The following JAKMIP3 variants were observed in gnomAD, a reference collection of about 807,000 sequenced individuals.
The protein encoded by JAKMIP3 is janus kinase and microtubule-interacting protein 3.
Under a neutral mutation model 118.5 loss-of-function variants are expected in JAKMIP3, and 58 were observed. The ratio of observed to expected loss-of-function variants is 0.49; its 90% confidence interval spans 0.40 to 0.61. The LOEUF is 0.61. Ranked by LOEUF, JAKMIP3 falls within the 20% of genes least tolerant of loss-of-function variation. JAKMIP3 has a pLI of 0.00. For missense variants in JAKMIP3, 950 were observed against 1,109.0 expected (o/e 0.86, Z 2.04); for synonymous variants, 486 against 451.2 (o/e 1.08, Z -0.98).
At chr10:132,110,502 G>A (rs1289316069) in intron 2 of JAKMIP3, among the ~76,000 whole-genome samples, 2 of 152,258 alleles carry the variant, frequency 1.3e-5, no homozygotes, top group African/African-American at 2.4e-5. Context: ...TTTCTCTGCT[G>A]CGGTACTGGA....
rs750781803 is a variant in JAKMIP3 at position 132,117,475 on chromosome 10, G to A, written c.534G>A (p.Ala178=). ...VEEALTLVIQ[A]DKIKAAEIRS... is the part of the protein sequence containing the mutation. Reference sequence around the variant, plus strand: ...AGGCGCTGACGCTGGTGATCCAAGCGGACAAGATCAAGGCCGCAGAGATCC... The same window carrying A: ...AGGCGCTGACGCTGGTGATCCAAGCAGACAAGATCAAGGCCGCAGAGATCC... The change falls in exon 3 of 24, where the codon GCG becomes GCA. Residue 178 remains alanine, a synonymous_variant. Coordinates refer to ENST00000684848, the MANE Select transcript of JAKMIP3 (RefSeq NM_001323087.2). This position sits in a 1 kb window ranked among gnomAD's most constrained non-coding sequence, Gnocchi z 8.6. 19 of 1,613,568 alleles carry A rather than the reference G, an allele frequency of 1.2e-5. No individual in the cohort carries two copies. The highest frequency in any genetic ancestry group is 6.7e-5 in the African/African-American group (5 of 74,922).
chr10:132,054,876 C>T (rs1026868542), intron 1 of JAKMIP3, among the ~76,000 whole-genome samples: 1 of 151,996 alleles, frequency 6.6e-6, no homozygotes, highest in African/African-American at 2.4e-5. Context: ...TGCACTCCTA[C>T]ACCGAGGACC....
chr10:132,156,492 C>T (rs1219056844), intron 19 of JAKMIP3, among the ~76,000 whole-genome samples: 1 of 152,170 alleles, frequency 6.6e-6, no homozygotes, highest in Non-Finnish European at 1.5e-5. Context: ...AGACAGAGGA[C>T]CCCACCCAGC....
At chr10:132,115,387 C>G (rs1039442619) in intron 2 of JAKMIP3, among the ~76,000 whole-genome samples, 2 of 152,212 alleles carry the variant, frequency 1.3e-5, no homozygotes, top group African/African-American at 4.8e-5. Flanking sequence ...TGGGATCCCA[C>G]CAGCGGCCCA....
At chr10:132,105,967 T>C (rs144212247) in intron 2 of JAKMIP3, among the ~76,000 whole-genome samples, 1 of 143,642 alleles carries the variant, frequency 7.0e-6, no homozygotes, top group African/African-American at 2.5e-5. Flanking sequence ...CTCCTGTGAT[T>C]TCACCTCCTT....
chr10:132,181,082 G>A (rs2061407841), intron 23 of JAKMIP3: 1 of 152,070 alleles, frequency 6.6e-6, no homozygotes, highest in East Asian at 1.9e-4. Flanking sequence ...CACATGTAGT[G>A]TGTGTGTGTG....
At chr10:132,150,728 C>CTATCCGTCCTCCATAATCCATG (rs879263931) in intron 16 of JAKMIP3, among the ~76,000 whole-genome samples, 5,887 of 149,642 alleles carry the variant, frequency 0.039, 208 homozygotes, top group African/African-American at 0.082. Flanking sequence ...CATAATCCAT[C>CTATCCGTCCTCCATAATCCATG]TATCCGTCCT....
chr10:132,149,309 C>T (rs1408989225), intron 14 of JAKMIP3, 103 bp from the exon 15 acceptor site: 5 of 738,404 alleles, frequency 6.8e-6, no homozygotes, highest in Non-Finnish European at 1.1e-5. Context: ...GTGTTGATCC[C>T]TGGTTCCATG....
upstream of JAKMIP3, among the ~76,000 whole-genome samples, chr10:132,065,226 G>A (rs1343918307): frequency 6.6e-6 from 1 of 152,110 alleles, no homozygotes; most frequent in Non-Finnish European, 1.5e-5. The surrounding 1 kb of genome is among the most constrained non-coding windows in gnomAD (Gnocchi z 5.6). Flanking sequence ...GTTTTCTACA[G>A]AGCGGCTGTC....
chr10:132,114,189 G>T (rs1203290668), intron 2 of JAKMIP3, among the ~76,000 whole-genome samples: 1 of 152,238 alleles, frequency 6.6e-6, no homozygotes, highest in South Asian at 2.1e-4. Flanking sequence ...ACAAGGAATG[G>T]TTGTTGCTTC....
intron 1 of JAKMIP3, among the ~76,000 whole-genome samples, chr10:132,037,257 G>A (rs905092787): frequency 6.6e-6 from 1 of 152,166 alleles, no homozygotes; most frequent in African/African-American, 2.4e-5. Flanking sequence ...TATTCTCTGC[G>A]TGTACCCGCG....
In JAKMIP3 at chr10:132,096,714, T is replaced by C. The variant is rs2043917271; in HGVS notation, c.-137-7958T>C. Among the ~76,000 whole-genome samples, 3 of 151,700 alleles carry C rather than the reference T, an allele frequency of 2.0e-5. 1 individual carries two copies. Among genetic ancestry groups the C allele is most frequent in the South Asian group, 4.2e-4 (2 of 4,722 alleles). ...GGACATACTTTTCCCTGCTCCCCCA[T>C]TAGTACAATCAAAACCCTGGACATG... is the stretch of plus-strand genomic sequence containing the variant. On this transcript the variant is annotated intron_variant, in intron 1 of 23. Transcript: ENST00000684848.
intron 20 of JAKMIP3, among the ~76,000 whole-genome samples, chr10:132,164,412 G>A (rs938771487): frequency 1.4e-4 from 21 of 152,356 alleles, no homozygotes; most frequent in African/African-American, 2.9e-4. Context: ...GCTGTCAGGC[G>A]TTGTGCTTTC....
In JAKMIP3 at chr10:132,177,998, GTGTC is replaced by G. The variant is rs779366119; in HGVS notation, c.*1104-4355_*1104-4352del. 1.3e-4 allele frequency among the ~76,000 whole-genome samples: 20 copies of G among 152,206 alleles called. No individual in the cohort carries two copies. The South Asian group carries it at 2.7e-3, about 21-fold the overall frequency. On this transcript the variant is annotated intron_variant, in intron 23 of 23. Transcript: ENST00000684848. ...TGCTCTTGTGCCCTGGGTAGTGTGTGTGTCTGTGCACACTGTGCATTTGGTTGTG... is the reference window on the plus strand; with the variant it reads ...TGCTCTTGTGCCCTGGGTAGTGTGTGTGTGCACACTGTGCATTTGGTTGTG...
chr10:132,129,017 C>A (rs1011988973), intron 3 of JAKMIP3, among the ~76,000 whole-genome samples: 2 of 152,172 alleles, frequency 1.3e-5, no homozygotes, highest in Non-Finnish European at 2.9e-5. Context: ...TGCTTCTTCA[C>A]GTGTCTAATG....
intron 23 of JAKMIP3, among the ~76,000 whole-genome samples, chr10:132,175,225 G>A (rs2060036358): frequency 6.6e-6 from 1 of 152,176 alleles, no homozygotes; most frequent in Admixed American, 6.5e-5. Flanking sequence ...TCTAGAATCT[G>A]TGGTTTTATG....
At chr10:132,158,617 T>C (rs1009741913) in intron 19 of JAKMIP3, among the ~76,000 whole-genome samples, 2 of 150,876 alleles carry the variant, frequency 1.3e-5, no homozygotes, top group Admixed American at 6.6e-5. Flanking sequence ...TCCTGTGAGA[T>C]GCTGTGGGAG....
At chr10:132,086,391 G>A (rs1268345778) in intron 1 of JAKMIP3, among the ~76,000 whole-genome samples, 3 of 152,152 alleles carry the variant, frequency 2.0e-5, no homozygotes, top group Non-Finnish European at 4.4e-5. Flanking sequence ...CCAGGGTATA[G>A]TTTAAATCCA....
chr10:132,127,664 C>T (rs745534688), intron 3 of JAKMIP3, among the ~76,000 whole-genome samples: 3 of 151,976 alleles, frequency 2.0e-5, no homozygotes, highest in Non-Finnish European at 4.4e-5. Flanking sequence ...CTCTCATCCC[C>T]CTGTTCCTTT....
Sources: gnomAD v4.1 joint callset for allele counts (sites outside exome capture counted in the v4.1 genomes callset) on GRCh38, gnomAD v4.1.1 for gene constraint, Gnocchi (gnomAD v3.1) non-coding constraint, MANE v1.5 for transcripts, NCBI Gene and HGNC (gene_info 2026-07-23, HGNC 2026-07-21) for gene names.